FAM135B: variants seen among roughly 807,000 people sequenced by gnomAD.
The protein encoded by FAM135B is protein FAM135B.
FAM135B carries 43 observed loss-of-function variants against 127.7 expected under a neutral mutation model. The observed-to-expected ratio is 0.34, with a 90% confidence interval of 0.26 to 0.43. FAM135B has a LOEUF of 0.43. Among genes scored for constraint, FAM135B ranks in the 20% least tolerant of loss-of-function variants. FAM135B has a pLI of 1.00. For synonymous variants in FAM135B, 670 were observed against 665.1 expected, an observed-to-expected ratio of 1.01 and a Z score of -0.11; for missense variants, 1,558 against 1,725.6, an observed-to-expected ratio of 0.90 and a Z score of 1.72.
chr8:138,463,224 T>C (rs1037542761), intron 1 of FAM135B, among the ~76,000 whole-genome samples: 5 of 152,186 alleles, frequency 3.3e-5, no homozygotes, highest in African/African-American at 9.7e-5. Context: ...AGATGGTAAG[T>C]ATCTTCAAAT....
chr8:138,253,597 C>T lies in FAM135B; in HGVS notation c.369-2583G>A, dbSNP rs1344529642. On this transcript the variant is annotated intron_variant, in intron 5 of 19. Transcript: ENST00000395297. ...ATCTATAAAGTCAGAAGTGAAGCCC[C>T]GCCCTTATTGTTGCTCACATCTCCC... 2.6e-5 allele frequency among the ~76,000 whole-genome samples: 4 copies of T among 152,140 alleles called. No homozygotes were observed. The East Asian group carries it at 5.8e-4, about 22-fold the overall frequency.
chr8:138,157,220 G>C (rs1818847655), intron 12 of FAM135B, among the ~76,000 whole-genome samples: 1 of 152,152 alleles, frequency 6.6e-6, no homozygotes, highest in Non-Finnish European at 1.5e-5. Context: ...AATAGATGCA[G>C]AAAAGGCCTT....
intron 1 of FAM135B, among the ~76,000 whole-genome samples, chr8:138,381,198 C>T (rs1422161707): frequency 6.6e-6 from 1 of 152,122 alleles, no homozygotes; most frequent in African/African-American, 2.4e-5. Flanking sequence ...CAACTCTAGG[C>T]CCTTCTTCCC....
intron 1 of FAM135B, among the ~76,000 whole-genome samples, chr8:138,470,364 T>C (rs1480372186): frequency 1.3e-5 from 2 of 152,224 alleles, no homozygotes; most frequent in South Asian, 2.1e-4. Context: ...ATTTTATATT[T>C]ATACATTAAA....
chr8:138,389,922 C>T (rs1832447554), intron 1 of FAM135B, among the ~76,000 whole-genome samples: 1 of 152,148 alleles, frequency 6.6e-6, no homozygotes, highest in Non-Finnish European at 1.5e-5. Flanking sequence ...AGTTAGAGGG[C>T]CTAGGAAATA....
At chr8:138,174,844 C>T (rs1206276228) in intron 11 of FAM135B, among the ~76,000 whole-genome samples, 1 of 150,468 alleles carries the variant, frequency 6.6e-6, no homozygotes, top group East Asian at 2.0e-4. Flanking sequence ...CCATAGCACT[C>T]CTTACCACTT....
chr8:138,369,395 G>T (rs566644563), intron 1 of FAM135B, among the ~76,000 whole-genome samples: 1 of 152,282 alleles, frequency 6.6e-6, no homozygotes, highest in South Asian at 2.1e-4. Context: ...CAGTTAACAG[G>T]GTCAGGCTAG....
intron 2 of FAM135B, among the ~76,000 whole-genome samples, chr8:138,325,038 G>A (rs1453255457): frequency 6.6e-6 from 1 of 152,082 alleles, no homozygotes; most frequent in East Asian, 1.9e-4. Context: ...TGATTTCAAA[G>A]CCCATATTCT....
chr8:138,292,320 T>C (rs1825172738), intron 3 of FAM135B, among the ~76,000 whole-genome samples: 1 of 152,146 alleles, frequency 6.6e-6, no homozygotes, highest in African/African-American at 2.4e-5. Context: ...AAAGAATTAA[T>C]ATTGTTAAAA....
intron 2 of FAM135B, among the ~76,000 whole-genome samples, chr8:138,333,265 G>C (rs1296076831): frequency 6.6e-6 from 1 of 152,152 alleles, no homozygotes; most frequent in Non-Finnish European, 1.5e-5. Context: ...GCTCAACACA[G>C]TGGCATCTGC....
In FAM135B at chr8:138,316,364, G is replaced by A. The variant is rs192876845; in HGVS notation, c.78-5444C>T. Among the ~76,000 whole-genome samples the A allele has an allele frequency of 8.4e-3, 1,283 of 152,136 alleles. 18 individuals carry two copies. Among genetic ancestry groups the A allele is most frequent in the African/African-American group, 0.029 (1,209 of 41,508 alleles). On this transcript the variant is annotated intron_variant, in intron 2 of 19. Coordinates refer to ENST00000395297, the MANE Select transcript of FAM135B (RefSeq NM_015912.4). ...AAAAAATTAGCCAGGCGCAGTGGCG[G>A]GCGCCTGTAGTCCCAGCTACTCGGG...
intron 3 of FAM135B, among the ~76,000 whole-genome samples, chr8:138,305,486 G>A (rs1826175881): frequency 6.9e-6 from 1 of 144,638 alleles, no homozygotes; most frequent in Admixed American, 7.1e-5. Context: ...TTTAACATCT[G>A]TTCACACAGA....
intron 1 of FAM135B, among the ~76,000 whole-genome samples, chr8:138,461,592 A>G (rs1392324780): frequency 6.6e-6 from 1 of 152,234 alleles, no homozygotes; most frequent in Non-Finnish European, 1.5e-5. Flanking sequence ...CTGTAGAGCT[A>G]GCTATTTAGC....
At chr8:138,205,387 C>T (rs1035580874) in intron 7 of FAM135B, among the ~76,000 whole-genome samples, 1 of 152,152 alleles carries the variant, frequency 6.6e-6, no homozygotes, top group Non-Finnish European at 1.5e-5. Context: ...GAGCTTCAGG[C>T]AGTTTAGATA....
chr8:138,427,826 A>T (rs1019362820), intron 1 of FAM135B, among the ~76,000 whole-genome samples: 4 of 152,134 alleles, frequency 2.6e-5, no homozygotes. Flanking sequence ...CCTGTACTTC[A>T]TTGATACATC....
rs552159625 is a variant in FAM135B, at chr8:138,397,100, C to T, written c.-19-29098G>A. 3.3e-5 allele frequency among the ~76,000 whole-genome samples: 5 copies of T among 152,310 alleles called. No homozygotes were observed. In the South Asian group the frequency reaches 1.0e-3, roughly 32 times the overall value. On this transcript the variant is annotated intron_variant, in intron 1 of 19. Coordinates refer to ENST00000395297, the MANE Select transcript of FAM135B (RefSeq NM_015912.4). ...CCAGGTAGTCAGTCCCAGTCCTGAG[C>T]TGCCCAAGAACCGGATGAGCTGCTT...
At chr8:138,235,123 G>A (rs1820171273) in intron 7 of FAM135B, among the ~76,000 whole-genome samples, 1 of 152,140 alleles carries the variant, frequency 6.6e-6, no homozygotes, top group Non-Finnish European at 1.5e-5. Context: ...TGCCTATTAT[G>A]TCTGATGGCT....
chr8:138,141,687 C>G lies in FAM135B; in HGVS notation c.3639-338G>C, dbSNP rs185870061. On this transcript the variant is annotated intron_variant, in intron 16 of 19. Transcript: ENST00000395297. This position sits in a 1 kb window ranked among gnomAD's most constrained non-coding sequence, Gnocchi z 4.7. ...AATGCACCTCTGAGCATTGAAATCT[C>G]CTGGTCATTCACAGGATCAAGTCCC... 1.2e-4 allele frequency among the ~76,000 whole-genome samples: 18 copies of G among 152,306 alleles called. No homozygotes were observed. Among genetic ancestry groups the G allele is most frequent in the Admixed American group, 3.3e-4 (5 of 15,302 alleles).
At chr8:138,354,957 C>T (rs912049589) in intron 2 of FAM135B, among the ~76,000 whole-genome samples, 3 of 152,018 alleles carry the variant, frequency 2.0e-5, no homozygotes, top group Admixed American at 6.6e-5. Flanking sequence ...GTGTGCTGCA[C>T]CCATTAACTC....
Sources: gnomAD v4.1 joint callset for allele counts (sites outside exome capture counted in the v4.1 genomes callset) on GRCh38, gnomAD v4.1.1 for gene constraint, Gnocchi (gnomAD v3.1) non-coding constraint, MANE v1.5 for transcripts, NCBI Gene and HGNC (gene_info 2026-07-23, HGNC 2026-07-21) for gene names.